Variants in HIVEP1 observed in about 807,000 individuals in gnomAD.
HIVEP1 encodes HIVEP zinc finger 1.
HIVEP1 carries 36 observed loss-of-function variants against 180.0 expected under a neutral mutation model. The ratio of observed to expected loss-of-function variants is 0.20; its 90% CI spans 0.15 to 0.26. The LOEUF (loss-of-function observed/expected upper bound fraction) is 0.26. Among genes scored for constraint, HIVEP1 ranks in the 10% least tolerant of loss-of-function variants. HIVEP1 has a pLI of 1.00. For synonymous variants in HIVEP1, 1,239 were observed against 1,239.0 expected, an observed-to-expected ratio of 1.00 and a Z score of 0.00; for missense variants, 3,143 against 3,268.7, an observed-to-expected ratio of 0.96 and a Z score of 0.94.
At chr6:12,078,275 T>G (rs1772501752) in intron 2 of HIVEP1, among the ~76,000 whole-genome samples, 1 of 152,096 alleles carries the variant, frequency 6.6e-6, no homozygotes, top group South Asian at 2.1e-4. Flanking sequence ...GTCTCGGTGG[T>G]CTGTGTTTCG....
chr6:12,161,402 AGCATT>A, intron 7 of HIVEP1, 32 bp from the exon 8 acceptor site: 1 of 1,569,160 alleles, frequency 6.4e-7, no homozygotes, highest in Middle Eastern at 1.7e-4. Flanking sequence ...GCACTTGGAA[AGCATT>A]CCATCACATA....
downstream of HIVEP1, among the ~76,000 whole-genome samples, chr6:12,167,120 AT>A (rs1177930481): frequency 8.5e-5 from 13 of 152,104 alleles, no homozygotes; most frequent in African/African-American, 3.1e-4. Flanking sequence ...TCTCAGTTAT[AT>A]TTTTCATAAT....
chr6:12,130,415 G>A (rs1310534585), intron 5 of HIVEP1, among the ~76,000 whole-genome samples: 1 of 152,164 alleles, frequency 6.6e-6, no homozygotes. Flanking sequence ...GTGCGCGCCT[G>A]TAGTCCCAGC....
intron 2 of HIVEP1, among the ~76,000 whole-genome samples, chr6:12,027,910 A>G (rs1453655770): frequency 6.6e-6 from 1 of 152,186 alleles, no homozygotes; most frequent in Non-Finnish European, 1.5e-5. Context: ...GTTTTGGGGT[A>G]GTGGGATGAG....
At chr6:12,154,146 C>A (rs1016567054) in intron 7 of HIVEP1, among the ~76,000 whole-genome samples, 1 of 152,200 alleles carries the variant, frequency 6.6e-6, no homozygotes, top group Non-Finnish European at 1.5e-5. Flanking sequence ...CTGATAACTT[C>A]CAGTCCAGCA....
the HIVEP1 span, among the ~76,000 whole-genome samples, chr6:12,205,625 T>C: frequency 6.6e-6 from 1 of 152,210 alleles, no homozygotes; most frequent in Admixed American, 6.5e-5. Flanking sequence ...TCAACTTCTG[T>C]GCACCTTCTG....
the HIVEP1 span, among the ~76,000 whole-genome samples, chr6:12,190,860 A>G: frequency 6.6e-6 from 1 of 152,210 alleles, no homozygotes; most frequent in Non-Finnish European, 1.5e-5. Flanking sequence ...CACCCATTTA[A>G]GACCAAAAGT....
chr6:12,167,711 G>A (rs55855824), downstream of HIVEP1, among the ~76,000 whole-genome samples: 9 of 49,534 alleles, frequency 1.8e-4, 1 homozygote, highest in African/African-American at 7.3e-4. Flanking sequence ...ATACATATAT[G>A]CATAATATAT....
intron 2 of HIVEP1, among the ~76,000 whole-genome samples, chr6:12,068,384 C>G (rs1297131650): frequency 6.6e-6 from 1 of 152,060 alleles, no homozygotes; most frequent in Non-Finnish European, 1.5e-5. Context: ...GCCACCATGC[C>G]CAGCCTGACC....
At chr6:12,081,760 C>A (rs1772804079) in intron 2 of HIVEP1, among the ~76,000 whole-genome samples, 1 of 152,158 alleles carries the variant, frequency 6.6e-6, no homozygotes, top group Admixed American at 6.5e-5. Flanking sequence ...GTTTCTCTAT[C>A]CCCTGCTCCT....
chr6:12,110,213 A>G (rs1774795437), intron 3 of HIVEP1, among the ~76,000 whole-genome samples: 1 of 152,150 alleles, frequency 6.6e-6, no homozygotes, highest in African/African-American at 2.4e-5. Flanking sequence ...GGTCTTATGG[A>G]TTTTCAGAAT....
chr6:12,193,514 A>T, the HIVEP1 span, among the ~76,000 whole-genome samples: 1 of 152,208 alleles, frequency 6.6e-6, no homozygotes, highest in Non-Finnish European at 1.5e-5. Flanking sequence ...TCCTCATTAG[A>T]TGTAGTCATT....
chr6:12,134,329 A>C (rs894131096), intron 6 of HIVEP1, among the ~76,000 whole-genome samples: 1 of 152,182 alleles, frequency 6.6e-6, no homozygotes, highest in Non-Finnish European at 1.5e-5. Flanking sequence ...GACCTTAGCC[A>C]TCATCTGGTC....
At chr6:12,188,710 A>G in the HIVEP1 span, among the ~76,000 whole-genome samples, 1 of 152,014 alleles carries the variant, frequency 6.6e-6, no homozygotes, top group South Asian at 2.1e-4. Context: ...TATTATCCAA[A>G]TAGAATGGTA....
At chr6:12,112,770 C>T (rs1470429143) in intron 3 of HIVEP1, among the ~76,000 whole-genome samples, 2 of 152,124 alleles carry the variant, frequency 1.3e-5, no homozygotes, top group Admixed American at 1.3e-4. Context: ...GTTGCTCCAT[C>T]TCCTGGTCCA....
chr6:12,055,276 C>T (rs932821509), intron 2 of HIVEP1, among the ~76,000 whole-genome samples: 1 of 152,122 alleles, frequency 6.6e-6, no homozygotes. Flanking sequence ...AGATCGAGAC[C>T]ATCCTGGCCA....
chr6:12,066,169 G>A (rs1418011956), intron 2 of HIVEP1, among the ~76,000 whole-genome samples: 1 of 152,122 alleles, frequency 6.6e-6, no homozygotes, highest in African/African-American at 2.4e-5. Context: ...TACGCTGGAT[G>A]GGAACAGATA....
the HIVEP1 span, among the ~76,000 whole-genome samples, chr6:12,178,543 A>T: frequency 6.6e-6 from 1 of 152,266 alleles, no homozygotes; most frequent in Non-Finnish European, 1.5e-5. Context: ...TGCAAATTAA[A>T]ACAAGATATG....
chr6:12,085,856 C>T (rs914174995), intron 2 of HIVEP1, among the ~76,000 whole-genome samples: 3 of 152,124 alleles, frequency 2.0e-5, no homozygotes, highest in African/African-American at 4.8e-5. Context: ...AGTCTTCTTC[C>T]AGAAACCCTA....
Sources: gnomAD v4.1 joint callset for allele counts (sites outside exome capture counted in the v4.1 genomes callset) on GRCh38, gnomAD v4.1.1 for gene constraint, MANE v1.5 for transcripts, NCBI Gene and HGNC (gene_info 2026-07-23, HGNC 2026-07-21) for gene names.